Variants in LRP2 observed in about 807,000 individuals in gnomAD.
LRP2 encodes the protein LDL receptor related protein 2.
LRP2 carries 172 observed loss-of-function variants against 531.0 expected under a neutral mutation model. The ratio of observed to expected loss-of-function variants is 0.32; its 90% confidence interval spans 0.29 to 0.37. LRP2 has a LOEUF of 0.37. Among genes scored for constraint, LRP2 ranks in the 10% least tolerant of loss-of-function variants. The probability of loss-of-function intolerance (pLI) is 1.00; values close to 1 mark genes in which losing one functional copy is unlikely to be tolerated. For synonymous variants in LRP2, 1,992 were observed against 2,027.6 expected, an observed-to-expected ratio of 0.98 and a Z score of 0.47; for missense variants, 5,167 against 5,868.3, an observed-to-expected ratio of 0.88 and a Z score of 3.90.
chr2:169,127,606 A>T lies in LRP2; in HGVS notation c.*1057T>A, dbSNP rs1685143358. 1 of 152,354 alleles carries T rather than the reference A, an allele frequency of 6.6e-6. No individual in the cohort carries two copies. Among genetic ancestry groups the T allele is most frequent in the Admixed American group, 6.6e-5 (1 of 15,240 alleles). The allele number at this position is 152,354 out of a possible 1,614,324, so 9.4% of individuals were successfully genotyped here. A position where few individuals can be genotyped will look rare whatever the true frequency, so the allele number is the denominator to read the frequency against. On this transcript the variant is annotated 3_prime_UTR_variant, in exon 79 of 79. Transcript: ENST00000649046. ...GGACTGTACAGTACATTCTAATATA[A>T]ATGTACACATTTAGCCACAGGGCCT... is the stretch of plus-strand genomic sequence containing the variant.
At chr2:169,195,730 T>C (rs1687982478) in intron 46 of LRP2, among the ~76,000 whole-genome samples, 1 of 152,204 alleles carries the variant, frequency 6.6e-6, no homozygotes, top group Non-Finnish European at 1.5e-5. Context: ...TTATTAGTTA[T>C]TTCCTTTACA....
Position 169,201,702 on chromosome 2 carries a change from C to A in LRP2, c.8378G>T (p.Cys2793Phe). ...TTEFMCNNRRCIPREFICNGV... is the reference protein window; with the variant it reads ...TTEFMCNNRRFIPREFICNGV... Reference sequence around the variant, plus strand: ...ATTGCAGATAAACTCACGAGGTATGCACCTTCTGTTATTGCACATAAACTC... The same window carrying A: ...ATTGCAGATAAACTCACGAGGTATGAACCTTCTGTTATTGCACATAAACTC... The change falls in exon 44 of 79, where the codon TGC (cysteine) becomes TTC (phenylalanine). Residue 2793 changes from cysteine to phenylalanine, a missense_variant. Transcript: ENST00000649046. The A allele has an allele frequency of 6.2e-7, 1 of 1,614,170 alleles. No homozygotes were observed. The highest frequency in any genetic ancestry group is 8.5e-7 in the Non-Finnish European group (1 of 1,180,028).
chr2:169,273,499 G>C (rs1269962858), intron 14 of LRP2, among the ~76,000 whole-genome samples: 4 of 152,110 alleles, frequency 2.6e-5, no homozygotes, highest in Non-Finnish European at 4.4e-5. Context: ...GTAAGTATTA[G>C]TCCTCCAATT....
chr2:169,279,184 T>C (rs1182113295), intron 12 of LRP2, among the ~76,000 whole-genome samples, 188 bp downstream of exon 12: 1 of 152,146 alleles, frequency 6.6e-6, no homozygotes, highest in African/African-American at 2.4e-5. Flanking sequence ...TGTCCTCAAA[T>C]AGGATTATAT....
chr2:169,315,098 G>A (rs1684723228), intron 3 of LRP2, among the ~76,000 whole-genome samples: 1 of 152,176 alleles, frequency 6.6e-6, no homozygotes, highest in African/African-American at 2.4e-5. Context: ...TCATTCAAAT[G>A]TAGAGAGCAA....
In LRP2 at chr2:169,185,539, G is replaced by A. The variant is rs777182289; in HGVS notation, c.9809C>T (p.Pro3270Leu). Residue 3270 changes from proline (P) to leucine (L), a missense_variant, in exon 50 of 79, where the codon CCA (proline) becomes CTA (leucine). Pro to Leu is a moderately conservative substitution (Grantham distance 98). Around this residue, in one of 6 missense-constraint regions of LRP2, gnomAD observed 1,129 missense variants for 1,362.7 expected, o/e 0.83. Coordinates refer to ENST00000649046, the MANE Select transcript of LRP2 (RefSeq NM_004525.3). ...NKETIINHRL[P>L]AAESLAVDWV... is the part of the protein sequence containing the mutation. ...GTCTACAGCCAGACTTTCTGCAGCT[G>A]GTAGTCTGTGGTTTATGATTGTCTC... is the stretch of plus-strand genomic sequence containing the variant. 17 of 1,613,714 alleles carry A rather than the reference G, an allele frequency of 1.1e-5. No homozygotes were observed. Among genetic ancestry groups the A allele is most frequent in the Non-Finnish European group, 1.4e-5 (17 of 1,179,990 alleles).
At chr2:169,143,408 C>T (rs1047423827) in intron 70 of LRP2, among the ~76,000 whole-genome samples, 2 of 152,066 alleles carry the variant, frequency 1.3e-5, no homozygotes, top group South Asian at 2.1e-4. Flanking sequence ...TTTGGGAGGC[C>T]GCTTTGGGCG....
chr2:169,205,073 A>C (rs1194394323), intron 41 of LRP2, among the ~76,000 whole-genome samples: 1 of 152,176 alleles, frequency 6.6e-6, no homozygotes, highest in Admixed American at 6.6e-5. Flanking sequence ...TCTAAAAGAC[A>C]TTGAATGCTA....
At position 169,241,279 on chromosome 2, in the gene LRP2, C is replaced by T. The variant is rs769645175; in HGVS notation, c.3754G>A (p.Gly1252Arg). 63 of 1,614,152 alleles carry T rather than the reference C, an allele frequency of 3.9e-5. No homozygotes were observed. Among genetic ancestry groups the T allele is most frequent in the Non-Finnish European group, 5.3e-5 (62 of 1,180,010 alleles). ...ICIPNFWECD[G>R]HPDCLYGSDE... ...GATCCATAGAGGCAGTCTGGATGCC[C>T]ATCACATTCCCAGAAGTTCGGGATG... The change falls in exon 25 of 79, where the codon GGG becomes AGG. Residue 1252 changes from glycine (G) to arginine (R), a missense_variant. By Grantham distance (125) the Gly-to-Arg change is moderately radical. Coordinates refer to ENST00000649046, the MANE Select transcript of LRP2 (RefSeq NM_004525.3).
At chr2:169,285,618 GC>G (rs1012292120) in intron 9 of LRP2, among the ~76,000 whole-genome samples, 1 of 151,852 alleles carries the variant, frequency 6.6e-6, no homozygotes, top group South Asian at 2.1e-4. Context: ...TTTTAACTGA[GC>G]CCCCCTTGGC....
At chr2:169,181,753 TTCAG>T in intron 51 of LRP2, 135 bp from the exon 52 acceptor site, 1 of 924,724 alleles carries the variant, frequency 1.1e-6, no homozygotes, top group Non-Finnish European at 1.7e-6. Flanking sequence ...CTTTTCTGCA[TTCAG>T]AAAAGAAAGA....
intron 16 of LRP2, among the ~76,000 whole-genome samples, chr2:169,261,945 C>T (rs578088453): frequency 5.3e-5 from 8 of 150,078 alleles, no homozygotes; most frequent in Non-Finnish European, 1.2e-4. Context: ...TCAATATACG[C>T]AAATCAATAA....
At chr2:169,362,209 C>T in intron 1 of LRP2, 112 bp downstream of exon 1, 1 of 909,700 alleles carries the variant, frequency 1.1e-6, no homozygotes, top group Non-Finnish European at 1.6e-6. Flanking sequence ...CCCGCGCCGC[C>T]GCCCGGCCCT....
intron 4 of LRP2, among the ~76,000 whole-genome samples, chr2:169,304,981 A>T (rs1201782727): frequency 6.6e-6 from 1 of 152,176 alleles, no homozygotes; most frequent in Non-Finnish European, 1.5e-5. Context: ...ACCAAACGCC[A>T]CATGTTCTCA....
At chr2:169,137,645 CT>C in intron 75 of LRP2, 152 bp from the exon 76 acceptor site, 2 of 134,276 alleles carry the variant, frequency 1.5e-5, no homozygotes, top group East Asian at 1.6e-4. Context: ...CAAAAGAGAA[CT>C]TGCAAAAAAA....
intron 76 of LRP2, among the ~76,000 whole-genome samples, chr2:169,133,099 A>G (rs983809182): frequency 4.6e-5 from 7 of 152,222 alleles, no homozygotes; most frequent in African/African-American, 1.7e-4. Context: ...TGAGAATCCT[A>G]TCTTTGGATC....
chr2:169,131,264 TG>T (rs1685279077), intron 77 of LRP2, among the ~76,000 whole-genome samples: 1 of 150,636 alleles, frequency 6.6e-6, no homozygotes, highest in Non-Finnish European at 1.5e-5. Flanking sequence ...AGTGTGTGTG[TG>T]TGTGTGTGTG....
chr2:169,164,768 G>T (rs60844655), intron 62 of LRP2, among the ~76,000 whole-genome samples: 1 of 152,154 alleles, frequency 6.6e-6, no homozygotes, highest in Non-Finnish European at 1.5e-5. Flanking sequence ...TGGTCTCCCA[G>T]ACTAAAACCC....
At chr2:169,362,280 G>C (rs1372324625) in intron 1 of LRP2, 41 bp downstream of exon 1, 1 of 1,503,852 alleles carries the variant, frequency 6.6e-7, no homozygotes, top group African/African-American at 1.4e-5. Context: ...CCACAGCCGG[G>C]GAAGTGGGGG....
Sources: gnomAD v4.1 joint callset for allele counts (sites outside exome capture counted in the v4.1 genomes callset) on GRCh38, gnomAD v4.1.1 for gene constraint, gnomAD v4.1.1 regional missense constraint, MANE v1.5 for transcripts, NCBI Gene and HGNC (gene_info 2026-07-23, HGNC 2026-07-21) for gene names.